GABRG3: variants seen among roughly 807,000 people sequenced by gnomAD.
GABRG3 encodes the protein gamma-aminobutyric acid receptor subunit gamma-3.
Under a neutral mutation model 48.8 loss-of-function variants are expected in GABRG3, and 25 were observed. The observed-to-expected ratio is 0.51, with a 90% CI of 0.37 to 0.72. The LOEUF (loss-of-function observed/expected upper bound fraction) is 0.72, where lower values mean the gene tolerates loss of function less well. GABRG3 is among the 30% of genes least tolerant of loss of function. The probability of loss-of-function intolerance (pLI) is 0.00; values close to 1 mark genes in which losing one functional copy is unlikely to be tolerated. For synonymous variants in GABRG3, 227 were observed against 217.6 expected, an observed-to-expected ratio of 1.04 and a Z score of -0.38; for missense variants, 394 against 577.9, an observed-to-expected ratio of 0.68 and a Z score of 3.26.
chr15:27,155,376 C>A (rs574807083), intron 3 of GABRG3, among the ~76,000 whole-genome samples: 1 of 152,122 alleles, frequency 6.6e-6, no homozygotes, highest in South Asian at 2.1e-4. Context: ...TTTTTAAAAT[C>A]TTTGCCACAT....
chr15:27,329,367 T>G (rs1893728559), intron 5 of GABRG3, among the ~76,000 whole-genome samples: 1 of 152,160 alleles, frequency 6.6e-6, no homozygotes, highest in Non-Finnish European at 1.5e-5. Context: ...GGGATTCAAG[T>G]GATTCTCCTG....
chr15:27,243,064 G>A (rs144592237), intron 3 of GABRG3, among the ~76,000 whole-genome samples: 17 of 152,270 alleles, frequency 1.1e-4, no homozygotes, highest in African/African-American at 2.4e-4. Context: ...ATTACGACCC[G>A]TAGCGTTTTG....
chr15:26,991,658 G>C (rs1895250449), intron 2 of GABRG3, among the ~76,000 whole-genome samples: 1 of 151,630 alleles, frequency 6.6e-6, no homozygotes, highest in East Asian at 1.9e-4. Flanking sequence ...TTAATTCCTG[G>C]GTATTTAATT....
At chr15:27,483,443 G>C (rs1163243978) in intron 6 of GABRG3, 2 of 152,224 alleles carry the variant, frequency 1.3e-5, no homozygotes, top group Non-Finnish European at 2.9e-5. Context: ...CATTTTCAAA[G>C]TCTCTATTTC....
At chr15:26,994,162 C>T (rs1271082620) in intron 2 of GABRG3, among the ~76,000 whole-genome samples, 1 of 151,820 alleles carries the variant, frequency 6.6e-6, no homozygotes, top group African/African-American at 2.4e-5. Flanking sequence ...TCCATTCAGC[C>T]CTCCATGTCT....
intron 6 of GABRG3, among the ~76,000 whole-genome samples, chr15:27,516,273 ATGAAG>A (rs1891016813): frequency 6.6e-6 from 1 of 152,228 alleles, no homozygotes; most frequent in South Asian, 2.1e-4. Context: ...AACTAATTGT[ATGAAG>A]TGTGAATAAA....
chr15:27,183,872 T>A (rs1398823852), intron 3 of GABRG3, among the ~76,000 whole-genome samples: 1 of 152,224 alleles, frequency 6.6e-6, no homozygotes, highest in African/African-American at 2.4e-5. Context: ...CTCTGAGGGA[T>A]TTTCCTATGC....
intron 5 of GABRG3, among the ~76,000 whole-genome samples, chr15:27,405,449 G>A (rs1010398530): frequency 3.3e-5 from 5 of 152,142 alleles, no homozygotes; most frequent in African/African-American, 9.7e-5. Flanking sequence ...TGTTAAGTGT[G>A]GGGGGTCAAG....
chr15:27,003,810 C>G (rs1235946745), intron 2 of GABRG3, among the ~76,000 whole-genome samples: 1 of 150,252 alleles, frequency 6.7e-6, no homozygotes, highest in Non-Finnish European at 1.5e-5. Flanking sequence ...TGGGCAGAGG[C>G]GCCCCTCACC....
chr15:27,238,863 A>T (rs768951020), intron 3 of GABRG3, among the ~76,000 whole-genome samples: 5 of 152,212 alleles, frequency 3.3e-5, no homozygotes, highest in Admixed American at 6.5e-5. Context: ...GTGCTGTACT[A>T]ACCCAGGGTT....
intron 5 of GABRG3, among the ~76,000 whole-genome samples, chr15:27,453,971 A>G (rs9302372): frequency 0.62 from 94,564 of 151,920 alleles, 29,785 homozygotes; most frequent in East Asian, 0.97. Flanking sequence ...TTTCTCAGCT[A>G]TGCCTGTGTG....
intron 5 of GABRG3, among the ~76,000 whole-genome samples, chr15:27,474,870 G>A (rs540693169): frequency 1.6e-4 from 25 of 152,086 alleles, no homozygotes; most frequent in South Asian, 6.2e-4. Context: ...AGTGGTTCAC[G>A]CCTGTAATCC....
chr15:27,463,625 C>T (rs1439847576), intron 5 of GABRG3, among the ~76,000 whole-genome samples: 1 of 152,158 alleles, frequency 6.6e-6, no homozygotes, highest in Non-Finnish European at 1.5e-5. Context: ...TCCCAGTGGC[C>T]TCCCTAGCAC....
intron 3 of GABRG3, among the ~76,000 whole-genome samples, chr15:27,088,199 G>A (rs1411844084): frequency 6.8e-6 from 1 of 147,350 alleles, no homozygotes; most frequent in African/African-American, 2.5e-5. Context: ...CTTGCAGGCG[G>A]GCTCACGTTT....
chr15:27,284,125 C>T (rs1055365421), intron 3 of GABRG3, among the ~76,000 whole-genome samples: 4 of 152,218 alleles, frequency 2.6e-5, no homozygotes, highest in African/African-American at 9.6e-5. Flanking sequence ...GAAGTAGAGA[C>T]TTATATTAGA....
chr15:27,063,737 G>T (rs939306156), intron 3 of GABRG3, among the ~76,000 whole-genome samples: 19 of 152,318 alleles, frequency 1.2e-4, no homozygotes, highest in African/African-American at 4.6e-4. Flanking sequence ...CTCAGGCCAG[G>T]TGGGGTTGCC....
intron 3 of GABRG3, among the ~76,000 whole-genome samples, chr15:27,154,502 TCTC>T (rs548179192): frequency 2.0e-5 from 3 of 152,174 alleles, no homozygotes; most frequent in Non-Finnish European, 4.4e-5. Flanking sequence ...TTGAGGAAGT[TCTC>T]CTCTGTTCAG....
intron 3 of GABRG3, among the ~76,000 whole-genome samples, chr15:27,218,422 G>T (rs1336034790): frequency 6.6e-6 from 1 of 152,142 alleles, no homozygotes; most frequent in Non-Finnish European, 1.5e-5. Flanking sequence ...GCATCTTTCT[G>T]CACTTGTTGA....
intron 5 of GABRG3, among the ~76,000 whole-genome samples, chr15:27,420,489 C>T (rs556369985): frequency 2.0e-4 from 31 of 152,218 alleles, no homozygotes; most frequent in Admixed American, 1.2e-3. Context: ...GTTAGTAATG[C>T]CTATTCCACA....
Sources: allele counts gnomAD v4.1 joint callset (sites outside exome capture counted in the v4.1 genomes callset), GRCh38; gene constraint gnomAD v4.1.1; transcripts MANE v1.5; gene names NCBI Gene and HGNC (gene_info 2026-07-23, HGNC 2026-07-21).